Variants in IMMP2L observed in about 807,000 individuals in gnomAD.
IMMP2L encodes the protein inner mitochondrial membrane peptidase subunit 2.
In IMMP2L, 18 loss-of-function variants were observed where a neutral mutation model predicts 19.3. The observed-to-expected ratio is 0.93, with a 90% CI of 0.64 to 1.38. The LOEUF (loss-of-function observed/expected upper bound fraction) is 1.38, where lower values mean the gene tolerates loss of function less well. Ranked by LOEUF, IMMP2L falls within the 40% of genes most tolerant of loss-of-function variation. IMMP2L has a pLI of 0.00. For missense variants in IMMP2L, 233 were observed against 218.2 expected, an observed-to-expected ratio of 1.07 and a Z score of -0.43; for synonymous variants, 76 against 73.0, an observed-to-expected ratio of 1.04 and a Z score of -0.21.
In IMMP2L at chr7:111,015,603, T is replaced by C. The variant is rs184212380; in HGVS notation, c.240-52038A>G. Reference sequence around the variant, plus strand: ...GGGCCACTTATTGTTTGAGTCTATCTACATGAAATGTCCAAGACAGGCAAA... The same window carrying C: ...GGGCCACTTATTGTTTGAGTCTATCCACATGAAATGTCCAAGACAGGCAAA... On this transcript the variant is annotated intron_variant, in intron 3 of 5. Transcript: ENST00000405709. Among the ~76,000 whole-genome samples, 276 of 152,292 alleles carry C rather than the reference T, an allele frequency of 1.8e-3. 2 individuals carry two copies. Among genetic ancestry groups the C allele is most frequent in the African/African-American group, 6.2e-3 (259 of 41,560 alleles).
chr7:111,551,301 T>G (rs1356028136), intron 1 of IMMP2L, among the ~76,000 whole-genome samples: 1 of 152,162 alleles, frequency 6.6e-6, no homozygotes, highest in Non-Finnish European at 1.5e-5. Context: ...ATTTATTGCC[T>G]GAAAGAAAGT....
intron 3 of IMMP2L, among the ~76,000 whole-genome samples, chr7:111,333,495 G>T (rs1826079145): frequency 6.6e-6 from 1 of 151,978 alleles, no homozygotes. Flanking sequence ...ATGTATATGG[G>T]TTCAAGTTGA....
intron 3 of IMMP2L, among the ~76,000 whole-genome samples, chr7:111,094,491 G>T (rs1797198785): frequency 6.6e-6 from 1 of 152,142 alleles, no homozygotes; most frequent in South Asian, 2.1e-4. Context: ...GTTCCATGTA[G>T]ACCTGGTTCT....
At chr7:111,527,135 C>T (rs1375059752) in intron 1 of IMMP2L, among the ~76,000 whole-genome samples, 1 of 152,026 alleles carries the variant, frequency 6.6e-6, no homozygotes, top group East Asian at 1.9e-4. Context: ...GAACAAGTCA[C>T]TTCTGGCCTG....
At chr7:111,414,235 A>C (rs1056757593) in intron 3 of IMMP2L, among the ~76,000 whole-genome samples, 9 of 151,610 alleles carry the variant, frequency 5.9e-5, no homozygotes, top group Non-Finnish European at 1.0e-4. Context: ...TTTCAATGTC[A>C]CCTCTGCAGG....
At chr7:111,263,975 C>T (rs764716898) in intron 3 of IMMP2L, among the ~76,000 whole-genome samples, 3 of 152,064 alleles carry the variant, frequency 2.0e-5, no homozygotes, top group African/African-American at 4.8e-5. Flanking sequence ...AAACACATCC[C>T]CATTTTAGAT....
At chr7:111,313,893 G>A (rs1044455287) in intron 3 of IMMP2L, among the ~76,000 whole-genome samples, 5 of 152,000 alleles carry the variant, frequency 3.3e-5, no homozygotes, top group Admixed American at 1.3e-4. Flanking sequence ...GGATCCCAGG[G>A]GTGTATGTTT....
chr7:110,842,778 A>G (rs1805226860), intron 5 of IMMP2L, among the ~76,000 whole-genome samples: 1 of 152,162 alleles, frequency 6.6e-6, no homozygotes. Context: ...TTTTGTTCTT[A>G]ATTAATAAGA....
chr7:110,773,803 G>C (rs1429080285), intron 5 of IMMP2L, among the ~76,000 whole-genome samples: 4 of 149,386 alleles, frequency 2.7e-5, no homozygotes. Context: ...TTAGGCAAGT[G>C]CTCAATGCAG....
At chr7:111,506,564 G>T (rs1290435317) in intron 2 of IMMP2L, among the ~76,000 whole-genome samples, 1 of 151,694 alleles carries the variant, frequency 6.6e-6, no homozygotes, top group Non-Finnish European at 1.5e-5. Flanking sequence ...CACCAGGCTA[G>T]TTTTTGTATT....
At chr7:111,084,015 C>A (rs894060052) in intron 3 of IMMP2L, among the ~76,000 whole-genome samples, 1 of 151,938 alleles carries the variant, frequency 6.6e-6, no homozygotes, top group Non-Finnish European at 1.5e-5. Context: ...TTGCTAAACA[C>A]AAGTGTGAGC....
chr7:111,137,902 G>A (rs1008494942), intron 3 of IMMP2L, among the ~76,000 whole-genome samples: 2 of 152,162 alleles, frequency 1.3e-5, no homozygotes, highest in East Asian at 1.9e-4. Flanking sequence ...TCAGCTCCCT[G>A]CAACCTCTGC....
At chr7:110,768,690 T>G (rs1286284292) in intron 5 of IMMP2L, among the ~76,000 whole-genome samples, 1 of 152,182 alleles carries the variant, frequency 6.6e-6, no homozygotes, top group East Asian at 1.9e-4. Flanking sequence ...CAGACATCAC[T>G]GCAGGAAGGA....
intron 4 of IMMP2L, among the ~76,000 whole-genome samples, chr7:110,927,155 T>C (rs1814944612): frequency 6.6e-6 from 1 of 152,018 alleles, no homozygotes; most frequent in South Asian, 2.1e-4. Context: ...CTCCCGCCCA[T>C]CTTTTTCTTC....
intron 5 of IMMP2L, among the ~76,000 whole-genome samples, chr7:110,720,613 A>T (rs1795507156): frequency 6.6e-6 from 1 of 152,182 alleles, no homozygotes; most frequent in South Asian, 2.1e-4. Flanking sequence ...AATAACATGT[A>T]ATCTAGTCTT....
At chr7:111,108,859 TA>T (rs1798848693) in intron 3 of IMMP2L, among the ~76,000 whole-genome samples, 1 of 152,130 alleles carries the variant, frequency 6.6e-6, no homozygotes. Flanking sequence ...AATTTATAAT[TA>T]AAAGCAACTG....
chr7:111,539,561 CA>C (rs1169674828), intron 1 of IMMP2L, among the ~76,000 whole-genome samples: 1 of 151,570 alleles, frequency 6.6e-6, no homozygotes, highest in African/African-American at 2.4e-5. Flanking sequence ...TCTCAAGGGC[CA>C]GGGGGAGCAG....
intron 3 of IMMP2L, among the ~76,000 whole-genome samples, chr7:111,260,180 TGTA>T: frequency 3.9e-5 from 6 of 152,214 alleles, no homozygotes; most frequent in Non-Finnish European, 5.9e-5. Flanking sequence ...GATTACGTAA[TGTA>T]CAAAATTGTT....
chr7:110,799,910 G>A (rs770549680), intron 5 of IMMP2L, among the ~76,000 whole-genome samples: 3 of 152,030 alleles, frequency 2.0e-5, no homozygotes, highest in Non-Finnish European at 4.4e-5. Context: ...CAGCTCTACT[G>A]TAAATCACTC....
Sources: gnomAD v4.1 joint callset for allele counts (sites outside exome capture counted in the v4.1 genomes callset) on GRCh38, gnomAD v4.1.1 for gene constraint, MANE v1.5 for transcripts, NCBI Gene and HGNC (gene_info 2026-07-23, HGNC 2026-07-21) for gene names.